SNAPC3: variants seen among roughly 807,000 people sequenced by gnomAD.
The protein encoded by SNAPC3 is small nuclear RNA activating complex polypeptide 3, also known as snRNA-activating protein complex subunit 3.
In SNAPC3, 56 loss-of-function variants were observed where a neutral mutation model predicts 47.7. That is an observed-to-expected ratio of 1.18 (90% confidence interval 0.95 to 1.47). The LOEUF (loss-of-function observed/expected upper bound fraction) is 1.47. Ranked by LOEUF, SNAPC3 falls within the 40% of genes most tolerant of loss-of-function variation. SNAPC3 has a pLI of 0.00. For missense variants in SNAPC3, 665 were observed against 511.3 expected (o/e 1.30, Z -2.90); for synonymous variants, 235 against 189.9 (o/e 1.24, Z -1.95).
intron 5 of SNAPC3, among the ~76,000 whole-genome samples, chr9:15,449,878 C>G (rs1055945114): frequency 1.3e-5 from 2 of 151,882 alleles, no homozygotes; most frequent in African/African-American, 4.8e-5. Flanking sequence ...TAGTGGATGA[C>G]TTTTGATTTA....
chr9:15,442,976 C>G (rs142148469), intron 3 of SNAPC3, among the ~76,000 whole-genome samples: 5,033 of 152,312 alleles, frequency 0.033, 114 homozygotes, highest in South Asian at 0.067. Flanking sequence ...GGAGACCAGC[C>G]TGGCCAACAC....
Position 15,433,649 on chromosome 9 carries a change from C to G in SNAPC3, c.477+13C>G. 1 of 1,515,670 alleles carries G rather than the reference C, an allele frequency of 6.6e-7. No individual in the cohort carries two copies. Among genetic ancestry groups the G allele is most frequent in the Non-Finnish European group, 9.1e-7 (1 of 1,095,350 alleles). 93.9% of individuals were successfully genotyped at this position (1,515,670 alleles called of 1,614,324 possible). ...CGTTTATGAGATGGTAATTAAGAGT[C>G]TCATCTTTTTCACCCTTTTCTCTTA... is the stretch of plus-strand genomic sequence containing the variant. On this transcript the variant is annotated intron_variant, in intron 3 of 8. Transcript: ENST00000380821.
At chr9:15,443,164 A>C (rs1046386260) in intron 3 of SNAPC3, among the ~76,000 whole-genome samples, 3 of 152,082 alleles carry the variant, frequency 2.0e-5, no homozygotes, top group African/African-American at 4.8e-5. Flanking sequence ...GACTGTGGAG[A>C]GAGAGGGAGA....
chr9:15,426,965 C>G (rs1325993209), intron 2 of SNAPC3, among the ~76,000 whole-genome samples: 2 of 152,168 alleles, frequency 1.3e-5, no homozygotes, highest in African/African-American at 2.4e-5. Context: ...ATTTGTATCT[C>G]TATGCTTTAT....
At chr9:15,436,308 A>G (rs1287173914) in intron 3 of SNAPC3, among the ~76,000 whole-genome samples, 1 of 152,188 alleles carries the variant, frequency 6.6e-6, no homozygotes, top group Admixed American at 6.5e-5. Context: ...TAGGAGTTTT[A>G]TAGCTTTAGC....
downstream of SNAPC3, chr9:15,466,080 T>TA (rs1161561858): frequency 2.6e-5 from 4 of 152,962 alleles, no homozygotes; most frequent in Non-Finnish European, 5.8e-5. Context: ...GGGTGGGTAT[T>TA]AAAAAATAGC....
intron 3 of SNAPC3, among the ~76,000 whole-genome samples, chr9:15,441,991 C>T (rs1184146890): frequency 1.3e-5 from 2 of 152,036 alleles, no homozygotes; most frequent in Non-Finnish European, 2.9e-5. Context: ...CGCCCCCCCA[C>T]CTCCCGGACA....
chr9:15,431,497 T>C (rs1385997075), intron 2 of SNAPC3, among the ~76,000 whole-genome samples: 1 of 152,164 alleles, frequency 6.6e-6, no homozygotes, highest in Non-Finnish European at 1.5e-5. Context: ...TCTTCCTAAT[T>C]GAACTCAGAT....
chr9:15,464,511 A>C, downstream of SNAPC3: 1 of 200,768 alleles, frequency 5.0e-6, no homozygotes, highest in Non-Finnish European at 1.0e-5. Context: ...TCAAAGTACA[A>C]TGCTGGAACA....
intron 3 of SNAPC3, among the ~76,000 whole-genome samples, chr9:15,437,637 TTG>T (rs201426209): frequency 1.6e-4 from 24 of 151,618 alleles, no homozygotes; most frequent in African/African-American, 5.6e-4. Flanking sequence ...TTTTTTTTTT[TTG>T]CCCCATCATT....
chr9:15,463,127 T>G (rs976758435), downstream of SNAPC3: 6 of 152,102 alleles, frequency 3.9e-5, no homozygotes, highest in African/African-American at 9.6e-5. Context: ...TCCCAGTCAG[T>G]TCTCAGATTC....
chr9:15,448,363 C>T (rs1019803451), intron 5 of SNAPC3, among the ~76,000 whole-genome samples: 2 of 152,024 alleles, frequency 1.3e-5, no homozygotes, highest in South Asian at 4.1e-4. Context: ...TGTGTATTTT[C>T]ATCAGTGTAC....
At chr9:15,432,735 TC>T (rs1298409586) in intron 2 of SNAPC3, among the ~76,000 whole-genome samples, 3 of 152,192 alleles carry the variant, frequency 2.0e-5, no homozygotes, top group African/African-American at 7.2e-5. Flanking sequence ...AAAATATAAT[TC>T]CAATGAATAA....
chr9:15,436,723 T>C (rs1216514227), intron 3 of SNAPC3, among the ~76,000 whole-genome samples: 1 of 152,302 alleles, frequency 6.6e-6, no homozygotes, highest in Non-Finnish European at 1.5e-5. Context: ...ACCTGTAGAT[T>C]ACTTTGGGGG....
At chr9:15,456,138 TG>T (rs1376440749) in intron 7 of SNAPC3, among the ~76,000 whole-genome samples, 1 of 152,062 alleles carries the variant, frequency 6.6e-6, no homozygotes, top group Non-Finnish European at 1.5e-5. Flanking sequence ...CCTCCCAAAG[TG>T]CTGGGATTAC....
intron 2 of SNAPC3, among the ~76,000 whole-genome samples, chr9:15,427,682 T>C (rs977060964): frequency 2.0e-5 from 3 of 152,206 alleles, no homozygotes; most frequent in Non-Finnish European, 4.4e-5. Context: ...ATAGAAATTT[T>C]AGATTATTCT....
chr9:15,464,306 C>T (rs941819803), downstream of SNAPC3: 28 of 194,200 alleles, frequency 1.4e-4, no homozygotes, highest in South Asian at 9.6e-4. Context: ...CATACAGAGA[C>T]GCTGGTCTTA....
Position 15,444,649 on chromosome 9 carries a change from TGAA to T in SNAPC3, c.530_532del (p.Glu177del). 1 of 1,613,210 alleles carries T rather than the reference TGAA, an allele frequency of 6.2e-7. No homozygotes were observed. The highest frequency in any genetic ancestry group is 8.5e-7 in the Non-Finnish European group (1 of 1,179,170). On this transcript the variant is annotated inframe_deletion, in exon 4 of 9. Transcript: ENST00000380821. ...AGCCTGAAAATTCAGCAGACATGAT[TGAA>T]GAAGGGGAGCTTATCCTATCTGTGA...
chr9:15,456,627 C>G (rs1177275740), intron 7 of SNAPC3, among the ~76,000 whole-genome samples: 1 of 152,096 alleles, frequency 6.6e-6, no homozygotes, highest in African/African-American at 2.4e-5. Flanking sequence ...GCCACCATGC[C>G]TGGCCAATTT....
Sources: allele counts gnomAD v4.1 joint callset (sites outside exome capture counted in the v4.1 genomes callset), GRCh38; gene constraint gnomAD v4.1.1; transcripts MANE v1.5; gene names NCBI Gene and HGNC (gene_info 2026-07-23, HGNC 2026-07-21).